AVEN: variants seen among roughly 807,000 people sequenced by gnomAD.
AVEN encodes the protein cell death regulator Aven.
AVEN carries 41 observed loss-of-function variants against 38.1 expected under a neutral mutation model. The observed-to-expected ratio is 1.08, with a 90% confidence interval of 0.84 to 1.40. The LOEUF is 1.40. AVEN is among the 40% of genes most tolerant of loss of function. The pLI, the probability that AVEN is intolerant of heterozygous loss-of-function variation, is 0.00. For synonymous variants in AVEN, 206 were observed against 171.8 expected, an observed-to-expected ratio of 1.20 and a Z score of -1.56; for missense variants, 605 against 438.8, an observed-to-expected ratio of 1.38 and a Z score of -3.38.
intron 1 of AVEN, among the ~76,000 whole-genome samples, chr15:34,032,481 CA>C (rs1006618937): frequency 1.2e-4 from 19 of 152,226 alleles, no homozygotes; most frequent in Middle Eastern, 3.4e-3. Flanking sequence ...TTAAGAATGA[CA>C]AAACCTGGAA....
chr15:33,943,264 A>G (rs1567426322), intron 2 of AVEN, among the ~76,000 whole-genome samples: 1 of 152,266 alleles, frequency 6.6e-6, no homozygotes, highest in Non-Finnish European at 1.5e-5. Flanking sequence ...ATGGAACATT[A>G]TTCAGCCTTC....
Position 34,039,004 on chromosome 15 carries a change from G to A in AVEN, c.43C>T (p.Pro15Ser). 1 of 1,122,048 alleles carries A rather than the reference G, an allele frequency of 8.9e-7. No individual in the cohort carries two copies. The highest frequency in any genetic ancestry group is 1.1e-6 in the Non-Finnish European group (1 of 919,488). 69.5% of individuals were successfully genotyped at this position (1,122,048 alleles called of 1,614,324 possible). The change falls in exon 1 of 6, where the codon CCA (proline) becomes TCA (serine). Residue 15 changes from proline to serine, a missense_variant. Physicochemically the swap from Pro to Ser is moderately conservative, Grantham distance 74. Transcript: ENST00000306730. Reference protein sequence around the residue: ...RGARGGRGRRPGRGRPGGDRH... With the variant: ...RGARGGRGRRSGRGRPGGDRH... Reference sequence around the variant, plus strand: ...TCTCCGCCAGGCCGGCCGCGGCCTGGCCGCCGCCCACGGCCTCCCCGAGCT... The same window carrying A: ...TCTCCGCCAGGCCGGCCGCGGCCTGACCGCCGCCCACGGCCTCCCCGAGCT...
intron 2 of AVEN, among the ~76,000 whole-genome samples, chr15:33,898,218 G>T (rs564935358): frequency 5.3e-5 from 8 of 152,270 alleles, no homozygotes; most frequent in African/African-American, 1.9e-4. Context: ...GAATGACTCA[G>T]TCACTGCTAA....
At chr15:33,918,972 G>C (rs1470114025) in intron 2 of AVEN, among the ~76,000 whole-genome samples, 1 of 149,546 alleles carries the variant, frequency 6.7e-6, no homozygotes, top group Non-Finnish European at 1.5e-5. Context: ...CCAGGCTGGA[G>C]TGCAGTGGTG....
At chr15:33,977,884 C>G (rs1895952594) in intron 2 of AVEN, among the ~76,000 whole-genome samples, 2 of 151,924 alleles carry the variant, frequency 1.3e-5, no homozygotes, top group South Asian at 4.2e-4. Flanking sequence ...CCGCAGCAAG[C>G]TGTGAACACG....
chr15:33,981,413 C>A (rs1377300219), intron 2 of AVEN, among the ~76,000 whole-genome samples: 2 of 137,128 alleles, frequency 1.5e-5, no homozygotes, highest in Non-Finnish European at 3.2e-5. Flanking sequence ...ATTGTCATGA[C>A]CAGATCAAAA....
chr15:33,975,741 C>T (rs1162557368), intron 2 of AVEN, among the ~76,000 whole-genome samples: 1 of 152,072 alleles, frequency 6.6e-6, no homozygotes, highest in Non-Finnish European at 1.5e-5. Flanking sequence ...ACCAGCCTGA[C>T]CAACATGGTG....
chr15:33,945,595 G>GT (rs1338506060), intron 2 of AVEN, among the ~76,000 whole-genome samples: 64 of 151,136 alleles, frequency 4.2e-4, no homozygotes, highest in African/African-American at 1.2e-3. Context: ...TTTTGTTTTG[G>GT]TTTTTTTTTG....
intron 2 of AVEN, among the ~76,000 whole-genome samples, chr15:33,978,067 G>A (rs1379011505): frequency 2.6e-5 from 4 of 152,006 alleles, no homozygotes. Context: ...TAGGGAGGGA[G>A]GGAGGACCAT....
chr15:34,031,236 G>A lies in AVEN; in HGVS notation c.267+7544C>T, dbSNP rs28497501. Among the ~76,000 whole-genome samples, 484 of 136,082 alleles carry A rather than the reference G, an allele frequency of 3.6e-3. 2 individuals are homozygous for A. The highest frequency in any genetic ancestry group is 6.1e-3 in the Non-Finnish European group (400 of 66,036). The allele number at this position is 136,082 out of a possible 152,430, so 89.3% of individuals were successfully genotyped here. ...GTTGCCCAGGCTGGAATGCAATGGCGCGATCTCAGCTCACTGCAACCTCCG... is the reference window on the plus strand; with the variant it reads ...GTTGCCCAGGCTGGAATGCAATGGCACGATCTCAGCTCACTGCAACCTCCG... On this transcript the variant is annotated intron_variant, in intron 1 of 5. Coordinates refer to ENST00000306730, the MANE Select transcript of AVEN (RefSeq NM_020371.3).
downstream of AVEN, chr15:33,861,318 A>G (rs190467082): frequency 5.5e-4 from 323 of 583,420 alleles, no homozygotes; most frequent in African/African-American, 5.6e-3. Context: ...ACCTTTGTCC[A>G]TAGACTCTGT....
chr15:34,056,649 G>A lies in AVEN; in HGVS notation n.1637+6273C>T, dbSNP rs574472321. 3.9e-5 allele frequency among the ~76,000 whole-genome samples: 6 copies of A among 152,248 alleles called. No individual in the cohort carries two copies. In the South Asian group the frequency reaches 1.2e-3, roughly 32 times the overall value. On this transcript the variant is annotated intron_variant and non_coding_transcript_variant, in intron 5 of 11. Coordinates refer to the AVEN transcript ENST00000675287. ...GCAGACTCTGAGGAAGACTGTGTTA[G>A]CCTCGGCTCTCCTCAAGGTTGTTCT...
At chr15:33,859,432 C>T (rs907959008) in intron 11 of AVEN, 16 of 763,554 alleles carry the variant, frequency 2.1e-5, no homozygotes, top group Middle Eastern at 2.4e-4. Context: ...CAGCTAGCAG[C>T]ATGAATACTG....
chr15:34,007,412 C>T (rs1488017517), intron 1 of AVEN, among the ~76,000 whole-genome samples: 1 of 152,182 alleles, frequency 6.6e-6, no homozygotes, highest in African/African-American at 2.4e-5. Context: ...CTGTACAGAA[C>T]ATAATTCAGC....
At chr15:33,861,172 A>G in intron 11 of AVEN, 2 of 1,583,934 alleles carry the variant, frequency 1.3e-6, no homozygotes, top group East Asian at 2.3e-5. Context: ...AACTTAGCCA[A>G]CTACTTGTGA....
At chr15:33,876,909 C>T (rs1891255345) in intron 2 of AVEN, among the ~76,000 whole-genome samples, 1 of 152,042 alleles carries the variant, frequency 6.6e-6, no homozygotes, top group Admixed American at 6.6e-5. Context: ...TAAAAGCTCC[C>T]CACATTTTTA....
downstream of AVEN, chr15:33,865,399 A>C: frequency 1.7e-6 from 1 of 589,102 alleles, no homozygotes; most frequent in East Asian, 2.8e-5. Flanking sequence ...TTTTGTGCCT[A>C]ATGGACATAC....
intron 2 of AVEN, among the ~76,000 whole-genome samples, chr15:33,976,088 G>C (rs1399305971): frequency 1.3e-5 from 2 of 152,122 alleles, no homozygotes; most frequent in Non-Finnish European, 2.9e-5. Context: ...TGGGGCTCAA[G>C]TATTTAAGCT....
chr15:34,045,678 A>G (rs1313101386), intron 5 of AVEN, among the ~76,000 whole-genome samples: 1 of 152,194 alleles, frequency 6.6e-6, no homozygotes, highest in Non-Finnish European at 1.5e-5. Flanking sequence ...TAACAAGGAC[A>G]GGTTCAGGCA....
Sources: gnomAD v4.1 joint callset for allele counts (sites outside exome capture counted in the v4.1 genomes callset) on GRCh38, gnomAD v4.1.1 for gene constraint, MANE v1.5 for transcripts, NCBI Gene and HGNC (gene_info 2026-07-23, HGNC 2026-07-21) for gene names.